The following PPP1R12B variants were observed in gnomAD, a reference collection of about 807,000 sequenced individuals.
The protein encoded by PPP1R12B is protein phosphatase 1 regulatory subunit 12B, also known as myosin phosphatase target subunit 2.
PPP1R12B carries 76 observed loss-of-function variants against 126.1 expected under a neutral mutation model. The observed-to-expected ratio is 0.60, with a 90% CI of 0.50 to 0.73. PPP1R12B has a LOEUF of 0.73. PPP1R12B is among the 30% of genes least tolerant of loss of function. The pLI, the probability that PPP1R12B is intolerant of heterozygous loss-of-function variation, is 0.00. For missense variants in PPP1R12B, 1,052 were observed against 1,205.1 expected, an observed-to-expected ratio of 0.87 and a Z score of 1.88; for synonymous variants, 356 against 434.7, an observed-to-expected ratio of 0.82 and a Z score of 2.25.
intron 23 of PPP1R12B, among the ~76,000 whole-genome samples, chr1:202,579,136 G>A (rs761602312): frequency 5.9e-5 from 9 of 152,158 alleles, no homozygotes; most frequent in Non-Finnish European, 1.0e-4. Flanking sequence ...TTATTTCCCT[G>A]ATACAAATTA....
At chr1:202,468,300 A>G (rs1304248800) in intron 13 of PPP1R12B, among the ~76,000 whole-genome samples, 1 of 152,202 alleles carries the variant, frequency 6.6e-6, no homozygotes, top group African/African-American at 2.4e-5. Context: ...GTCCTTGCCC[A>G]TGCCTATGTC....
In PPP1R12B at chr1:202,569,127, G is replaced by A. The variant is rs2149027651; in HGVS notation, c.2812-20G>A. 6.2e-7 allele frequency: 1 copy of A among 1,611,078 alleles called. No homozygotes were observed. Among genetic ancestry groups the A allele is most frequent in the South Asian group, 1.1e-5 (1 of 91,004 alleles). On this transcript the variant is annotated intron_variant, in intron 22 of 23. Coordinates refer to ENST00000608999, the MANE Select transcript of PPP1R12B (RefSeq NM_002481.4). ...CTTCTGAATTCAATAATGTTCAACAGTCTCATTGTTCCGAAACAGGAGAGG... is the reference window on the plus strand; with the variant it reads ...CTTCTGAATTCAATAATGTTCAACAATCTCATTGTTCCGAAACAGGAGAGG...
intron 10 of PPP1R12B, 74 bp from the exon 11 acceptor site, chr1:202,440,632 C>A: frequency 8.7e-7 from 1 of 1,151,552 alleles, no homozygotes; most frequent in Non-Finnish European, 1.3e-6. Flanking sequence ...TTAAGTTCTG[C>A]TTTTTTACTC....
At chr1:202,474,232 G>C (rs1030243005) in intron 13 of PPP1R12B, among the ~76,000 whole-genome samples, 7 of 151,632 alleles carry the variant, frequency 4.6e-5, no homozygotes, top group African/African-American at 1.7e-4. Context: ...AGAAAAATGA[G>C]AACTTTGAGA....
chr1:202,484,885 C>T (rs1220996428), intron 13 of PPP1R12B, among the ~76,000 whole-genome samples: 2 of 152,154 alleles, frequency 1.3e-5, no homozygotes, highest in African/African-American at 2.4e-5. Flanking sequence ...GACCAACTAT[C>T]AGGCCAAGCA....
rs538211043 is a variant in PPP1R12B at position 202,521,198 on chromosome 1, T to C, written c.2490+24376T>C. ...CCTAGGAGGAAAGAAGACCCAGAGC[T>C]ACCAACTTAAGGTCTGGTTCAAGGT... On this transcript the variant is annotated intron_variant, in intron 18 of 23. Coordinates refer to ENST00000608999, the MANE Select transcript of PPP1R12B (RefSeq NM_002481.4). Among the ~76,000 whole-genome samples, 7 of 152,316 alleles carry C rather than the reference T, an allele frequency of 4.6e-5. No individual in the cohort carries two copies. In the East Asian group the frequency reaches 1.3e-3, roughly 29 times the overall value.
At chr1:202,417,799 C>T (rs1399379094) in intron 2 of PPP1R12B, among the ~76,000 whole-genome samples, 3 of 152,186 alleles carry the variant, frequency 2.0e-5, no homozygotes, top group African/African-American at 7.2e-5. Context: ...TTTCTCCTGT[C>T]CAGGAAACAG....
chr1:202,360,917 G>A (rs138590138), intron 1 of PPP1R12B, among the ~76,000 whole-genome samples: 10,395 of 141,920 alleles, frequency 0.073, 476 homozygotes, highest in Middle Eastern at 0.15. Flanking sequence ...TTGAGACGGA[G>A]TCTTGCTCTG....
At chr1:202,442,613 T>A in intron 12 of PPP1R12B, 41 bp downstream of exon 12, 1 of 1,564,786 alleles carries the variant, frequency 6.4e-7, no homozygotes. Context: ...TCTTTCACTC[T>A]AGCCATGGGA....
intron 1 of PPP1R12B, among the ~76,000 whole-genome samples, chr1:202,388,102 C>G (rs975884792): frequency 3.3e-5 from 5 of 150,482 alleles, no homozygotes; most frequent in African/African-American, 1.2e-4. Context: ...GAAAGAGGAT[C>G]CTGTTCATAG....
At chr1:202,364,823 G>A (rs1296184369) in intron 1 of PPP1R12B, among the ~76,000 whole-genome samples, 2 of 152,022 alleles carry the variant, frequency 1.3e-5, no homozygotes, top group Admixed American at 1.3e-4. Flanking sequence ...TGATGGGCCC[G>A]CCTCGGCCTC....
intron 1 of PPP1R12B, among the ~76,000 whole-genome samples, chr1:202,392,812 G>A (rs555219752): frequency 2.0e-5 from 3 of 152,100 alleles, no homozygotes; most frequent in Admixed American, 6.5e-5. Context: ...ACAGGCATGA[G>A]CCACCGTGCC....
At chr1:202,552,287 G>A (rs1158639672) in intron 18 of PPP1R12B, among the ~76,000 whole-genome samples, 1 of 152,048 alleles carries the variant, frequency 6.6e-6, no homozygotes, top group Non-Finnish European at 1.5e-5. Flanking sequence ...AACAATGCAG[G>A]CTTCACTTCA....
At chr1:202,484,283 ATTTC>A (rs1454845090) in intron 13 of PPP1R12B, among the ~76,000 whole-genome samples, 1 of 151,882 alleles carries the variant, frequency 6.6e-6, no homozygotes, top group South Asian at 2.1e-4. Flanking sequence ...CTCTGCAGTA[ATTTC>A]TTTCTTTCTT....
At chr1:202,477,939 T>C (rs147824617) in intron 13 of PPP1R12B, among the ~76,000 whole-genome samples, 25 of 152,334 alleles carry the variant, frequency 1.6e-4, no homozygotes, top group African/African-American at 6.0e-4. Context: ...GCTACTAAAC[T>C]GTGAGTGTTA....
intron 23 of PPP1R12B, chr1:202,577,370 T>A (rs1031126751): frequency 6.6e-6 from 1 of 152,242 alleles, no homozygotes; most frequent in African/African-American, 2.4e-5. Flanking sequence ...CTCATTTGTT[T>A]ACATATTATT....
chr1:202,461,635 A>G (rs1327811359), intron 13 of PPP1R12B, among the ~76,000 whole-genome samples: 3 of 152,156 alleles, frequency 2.0e-5, no homozygotes, highest in Non-Finnish European at 2.9e-5. Context: ...TAGGGATTCC[A>G]TATCTCAAGT....
intron 13 of PPP1R12B, among the ~76,000 whole-genome samples, chr1:202,473,362 T>A (rs1676185658): frequency 1.3e-5 from 2 of 152,256 alleles, no homozygotes; most frequent in Non-Finnish European, 2.9e-5. Context: ...ATATGAAATT[T>A]GTTCCTGCAT....
chr1:202,354,708 C>G (rs1038805982), intron 1 of PPP1R12B, among the ~76,000 whole-genome samples: 29 of 151,314 alleles, frequency 1.9e-4, no homozygotes, highest in Admixed American at 4.6e-4. Context: ...GAGTGCAGTG[C>G]ACGATCTCGA....
Sources: allele counts gnomAD v4.1 joint callset (sites outside exome capture counted in the v4.1 genomes callset), GRCh38; gene constraint gnomAD v4.1.1; transcripts MANE v1.5; gene names NCBI Gene and HGNC (gene_info 2026-07-23, HGNC 2026-07-21).